The following CFAP100 variants were observed in gnomAD, a reference collection of about 807,000 sequenced individuals.
CFAP100 encodes the protein cilia- and flagella-associated protein 100.
A neutral mutation model predicts 81.5 loss-of-function variants in CFAP100; 70 were observed. The ratio of observed to expected loss-of-function variants is 0.86; its 90% CI spans 0.71 to 1.05. The LOEUF (loss-of-function observed/expected upper bound fraction) is 1.05. Among genes scored for constraint, CFAP100 ranks in the 50% least tolerant of loss-of-function variants. The pLI is 0.00. For missense variants in CFAP100, 811 were observed against 776.5 expected, an observed-to-expected ratio of 1.04 and a Z score of -0.53; for synonymous variants, 341 against 314.8, an observed-to-expected ratio of 1.08 and a Z score of -0.88.
At chr3:126,409,977 G>A (rs886712750) in intron 3 of CFAP100, among the ~76,000 whole-genome samples, 15 of 152,182 alleles carry the variant, frequency 9.9e-5, no homozygotes, top group African/African-American at 3.6e-4. Context: ...GAGGCGGGTG[G>A]ATTACCTGAG....
chr3:126,435,690 G>A (rs778473974), intron 16 of CFAP100, 38 bp downstream of exon 16: 6 of 1,554,754 alleles, frequency 3.9e-6, no homozygotes, highest in Admixed American at 1.7e-5. Context: ...TGCTGGAGGG[G>A]GTCCCAAGAC....
chr3:126,409,644 G>T (rs77158638), intron 3 of CFAP100, among the ~76,000 whole-genome samples: 160 of 152,308 alleles, frequency 1.1e-3, no homozygotes, highest in East Asian at 8.7e-3. Flanking sequence ...TGTCCTCTGG[G>T]TATATGTTAG....
At chr3:126,418,585 C>A in intron 6 of CFAP100, 26 bp from the exon 7 acceptor site, 2 of 1,612,518 alleles carry the variant, frequency 1.2e-6, no homozygotes, top group Non-Finnish European at 1.7e-6. Context: ...GGCCAGGCAC[C>A]ATGACCCCAC....
chr3:126,416,221 G>A, intron 4 of CFAP100, 95 bp from the exon 5 acceptor site: 6 of 743,986 alleles, frequency 8.1e-6, no homozygotes, highest in Non-Finnish European at 7.8e-6. Flanking sequence ...GTCCTCGCGC[G>A]CAAACCCGCG....
At chr3:126,434,054 C>A (rs1261770510) in intron 14 of CFAP100, 122 bp from the exon 15 acceptor site, 7 of 791,600 alleles carry the variant, frequency 8.8e-6, no homozygotes, top group Non-Finnish European at 1.4e-5. Flanking sequence ...GTTCTCAGAG[C>A]TCCCACTGTG....
Position 126,420,141 on chromosome 3 carries a change from A to G in CFAP100, c.994A>G (p.Thr332Ala). The change falls in exon 11 of 17, where the codon ACG becomes GCG. Residue 332 changes from threonine (T) to alanine (A), a missense_variant. Physicochemically the swap from Thr to Ala is moderately conservative, Grantham distance 58. Coordinates refer to ENST00000352312, the MANE Select transcript of CFAP100 (RefSeq NM_182628.3). ...AAAGAAGCCCTGGAGGTTTCTGCAG[A>G]CGATGCGGCTGGGGCGGAGCCCGTC... ...GTKKPWRFLQTMRLGRSPSYL... is the reference protein window; with the variant it reads ...GTKKPWRFLQAMRLGRSPSYL... 4 of 1,613,310 alleles carry G rather than the reference A, an allele frequency of 2.5e-6. No homozygotes were observed. The highest frequency in any genetic ancestry group is 2.2e-5 in the East Asian group (1 of 44,888).
chr3:126,434,994 C>G (rs1014623763), intron 15 of CFAP100, among the ~76,000 whole-genome samples: 11 of 152,122 alleles, frequency 7.2e-5, no homozygotes, highest in African/African-American at 2.7e-4. Context: ...TGTGGCTTCC[C>G]TGGCCTGTGG....
Position 126,436,292 on chromosome 3 carries a change from G to A in CFAP100, c.1724G>A (p.Arg575Lys), listed in dbSNP as rs144330227. The part of the protein sequence containing the change: ...ARAQAEIKKK[R>K]GRTLVCRSRP... ...TCACTGGGCTTGTTTCCCCTGCAGA[G>A]AGGCAGGACACTGGTATGCCGCTCA... The change falls in exon 17 of 17, where the codon AGA (arginine) becomes AAA (lysine). Residue 575 changes from arginine to lysine, a missense_variant and splice_region_variant. Transcript: ENST00000352312. 6.2e-7 allele frequency: 1 copy of A among 1,612,320 alleles called. No individual in the cohort carries two copies. Among genetic ancestry groups the A allele is most frequent in the Non-Finnish European group, 8.5e-7 (1 of 1,178,590 alleles).
intron 13 of CFAP100, among the ~76,000 whole-genome samples, chr3:126,431,529 C>T (rs4679243): frequency 0.034 from 5,164 of 152,056 alleles, 101 homozygotes; most frequent in South Asian, 0.049. Context: ...TTTTTATGCA[C>T]CACTGGGTGC....
intron 2 of CFAP100, among the ~76,000 whole-genome samples, chr3:126,397,961 G>A (rs577421297): frequency 8.7e-4 from 132 of 152,334 alleles, no homozygotes; most frequent in African/African-American, 3.0e-3. Flanking sequence ...GCCCTGAGGT[G>A]GGAGTGGGCG....
At chr3:126,408,965 T>A (rs1246139334) in intron 3 of CFAP100, among the ~76,000 whole-genome samples, 2 of 152,162 alleles carry the variant, frequency 1.3e-5, no homozygotes, top group African/African-American at 4.8e-5. Context: ...ATTTTTGTAT[T>A]TTTTGTAGAG....
Position 126,434,222 on chromosome 3 carries a change from G to T in CFAP100, c.1469G>T (p.Arg490Leu). The T allele has an allele frequency of 6.2e-7, 1 of 1,613,684 alleles. No individual in the cohort carries two copies. Among genetic ancestry groups the T allele is most frequent in the Non-Finnish European group, 8.5e-7 (1 of 1,179,972 alleles). Reference protein sequence around the residue: ...SLNCKVLDVYRHCTGTQQEAN... With the variant: ...SLNCKVLDVYLHCTGTQQEAN... ...AACTGCAAGGTGCTGGATGTGTACC[G>T]GCACTGCACCGGCACCCAGCAGGAG... The change falls in exon 15 of 17, where the codon CGG (arginine) becomes CTG (leucine). Residue 490 changes from arginine (R) to leucine (L), a missense_variant. Arg to Leu is a moderately radical substitution (Grantham distance 102). Transcript: ENST00000352312.
At position 126,398,312 on chromosome 3, in the gene CFAP100, C is replaced by T. The variant is rs145027519; in HGVS notation, c.49+2263C>T. On this transcript the variant is annotated intron_variant, in intron 2 of 16. Transcript: ENST00000352312. ...CGTGGACTTGTCAGGAGAGGGCCTG[C>T]GGCTGGTCCCTCTGGGCCAGAACCC... 2.9e-3 allele frequency among the ~76,000 whole-genome samples: 444 copies of T among 152,312 alleles called. 1 individual carries two copies. Among genetic ancestry groups the T allele is most frequent in the African/African-American group, 0.01 (420 of 41,568 alleles).
At chr3:126,409,109 A>G (rs1046518435) in intron 3 of CFAP100, among the ~76,000 whole-genome samples, 2 of 152,100 alleles carry the variant, frequency 1.3e-5, no homozygotes, top group African/African-American at 4.8e-5. Flanking sequence ...GTTTTGACAA[A>G]TGTGTACAAT....
chr3:126,433,008 A>C, intron 13 of CFAP100, 61 bp from the exon 14 acceptor site: 1 of 1,594,426 alleles, frequency 6.3e-7, no homozygotes, highest in Admixed American at 1.7e-5. Flanking sequence ...AGGCTCAGAG[A>C]AGCGATGTGC....
At chr3:126,408,300 TCAC>T (rs2083100602) in intron 3 of CFAP100, among the ~76,000 whole-genome samples, 1 of 152,174 alleles carries the variant, frequency 6.6e-6, no homozygotes, top group Non-Finnish European at 1.5e-5. Flanking sequence ...CCAAGCACCA[TCAC>T]CACACCCGAC....
At chr3:126,401,341 A>G (rs2082975273) in intron 2 of CFAP100, among the ~76,000 whole-genome samples, 1 of 147,054 alleles carries the variant, frequency 6.8e-6, no homozygotes, top group Admixed American at 6.8e-5. Context: ...TTTATGTTAT[A>G]TTTATATTTT....
chr3:126,396,372 C>T lies in CFAP100; in HGVS notation c.49+323C>T, dbSNP rs1048934704. The T allele has an allele frequency of 1.0e-5, 3 of 300,374 alleles. No homozygotes were observed. In the South Asian group the frequency reaches 1.8e-4, roughly 18 times the overall value. The allele number at this position is 300,374 out of a possible 1,614,324, so 18.6% of individuals were successfully genotyped here. ...CGGGCCTCTCTCCTGGTTTCCAGAGCTTTGCAGGCAATCCTTGGTGCTCTT... is the reference window on the plus strand; with the variant it reads ...CGGGCCTCTCTCCTGGTTTCCAGAGTTTTGCAGGCAATCCTTGGTGCTCTT... On this transcript the variant is annotated intron_variant, in intron 2 of 16. Transcript: ENST00000352312.
rs555338875 is a variant in CFAP100 at position 126,395,042 on chromosome 3, C to T, written c.-60+64C>T. On this transcript the variant is annotated intron_variant, in intron 1 of 16. Coordinates refer to ENST00000352312, the MANE Select transcript of CFAP100 (RefSeq NM_182628.3). ...GGTCCGTGAGGGCGCGTGGGGGCGG[C>T]GGCAGGGGTGCGAAACCAGGGCCCG... 46 of 152,520 alleles carry T rather than the reference C, an allele frequency of 3.0e-4. 1 individual carries two copies. The South Asian group carries it at 8.4e-3, about 28-fold the overall frequency. 9.4% of individuals were successfully genotyped at this position (152,520 alleles called of 1,614,324 possible).
Sources: allele counts gnomAD v4.1 joint callset (sites outside exome capture counted in the v4.1 genomes callset), GRCh38; gene constraint gnomAD v4.1.1; transcripts MANE v1.5; gene names NCBI Gene and HGNC (gene_info 2026-07-23, HGNC 2026-07-21).